The following SARAF variants were observed in gnomAD, a reference collection of about 807,000 sequenced individuals.
The protein encoded by SARAF is store-operated calcium entry associated regulatory factor, also known as store-operated calcium entry-associated regulatory factor.
SARAF carries 23 observed loss-of-function variants against 39.7 expected under a neutral mutation model. The ratio of observed to expected loss-of-function variants is 0.58; its 90% confidence interval spans 0.42 to 0.82. SARAF has a LOEUF of 0.82. Ranked by LOEUF, SARAF falls within the 40% of genes least tolerant of loss-of-function variation. The pLI, the probability that SARAF is intolerant of heterozygous loss-of-function variation, is 0.00. For missense variants in SARAF, 384 were observed against 418.5 expected, an observed-to-expected ratio of 0.92 and a Z score of 0.72; for synonymous variants, 175 against 168.5, an observed-to-expected ratio of 1.04 and a Z score of -0.30.
At chr8:30,080,925 AG>A (rs1361657920) in intron 1 of SARAF, among the ~76,000 whole-genome samples, 2 of 152,198 alleles carry the variant, frequency 1.3e-5, no homozygotes, top group Non-Finnish European at 2.9e-5. Flanking sequence ...GGATCACCTG[AG>A]GTTGGGAGTT....
chr8:30,072,265 G>T (rs1358545108), intron 2 of SARAF, among the ~76,000 whole-genome samples: 1 of 152,150 alleles, frequency 6.6e-6, no homozygotes, highest in African/African-American at 2.4e-5. Flanking sequence ...TGTCTATTCA[G>T]ATGCTCTGCC....
In SARAF at chr8:30,075,981, T is replaced by TAAAAAAAAAAAAAAAAAA. The variant is rs1491525634; in HGVS notation, c.104-1927_104-1926insTTTTTTTTTTTTTTTTTT. ...AACCTGATGTACATAACAGAATCCC[T>TAAAAAAAAAAAAAAAAAA]AAAAAAAAACAAAAAAAAAAAAACA... is the stretch of plus-strand genomic sequence containing the variant. On this transcript the variant is annotated intron_variant, in intron 1 of 5. Coordinates refer to ENST00000256255, the MANE Select transcript of SARAF (RefSeq NM_016127.6). Among the ~76,000 whole-genome samples, 5 of 7,378 alleles carry TAAAAAAAAAAAAAAAAAA rather than the reference T, an allele frequency of 6.8e-4. 2 individuals are homozygous for TAAAAAAAAAAAAAAAAAA. The highest frequency in any genetic ancestry group is 1.2e-3 in the Non-Finnish European group (3 of 2,474). The allele number at this position is 7,378 out of a possible 152,430, so 4.8% of individuals were successfully genotyped here.
chr8:30,070,155 A>ATC (rs2117428509), intron 2 of SARAF, 96 bp from the exon 3 acceptor site: 1 of 1,138,404 alleles, frequency 8.8e-7, no homozygotes, highest in African/African-American at 1.5e-5. Context: ...CACACCTGTA[A>ATC]TCTCAGCACT....
chr8:30,076,676 T>G (rs1313447217), intron 1 of SARAF, among the ~76,000 whole-genome samples: 1 of 152,200 alleles, frequency 6.6e-6, no homozygotes, highest in Non-Finnish European at 1.5e-5. Context: ...CCCTCATGAA[T>G]AGATTAATGC....
intron 1 of SARAF, among the ~76,000 whole-genome samples, chr8:30,079,224 T>C (rs936719955): frequency 2.7e-5 from 4 of 148,072 alleles, no homozygotes; most frequent in African/African-American, 1.0e-4. Flanking sequence ...GACAAGGAAA[T>C]TGTGAAACAA....
rs114191132 is a variant in SARAF, at chr8:30,078,874, C to T, written c.103+3973G>A. On this transcript the variant is annotated intron_variant, in intron 1 of 5. Coordinates refer to ENST00000256255, the MANE Select transcript of SARAF (RefSeq NM_016127.6). ...AAGGTTACTATAAAATTATTATCAT[C>T]AGCCAGGCACGGTGGCTCACGTCTG... 7.3e-3 allele frequency among the ~76,000 whole-genome samples: 1,115 copies of T among 152,074 alleles called. 24 individuals are homozygous for T. The highest frequency in any genetic ancestry group is 0.026 in the African/African-American group (1,071 of 41,492).
intron 3 of SARAF, among the ~76,000 whole-genome samples, chr8:30,068,763 T>A (rs1472681810): frequency 2.0e-5 from 3 of 151,742 alleles, no homozygotes; most frequent in African/African-American, 7.3e-5. Flanking sequence ...GAAATACATT[T>A]TATATATATA....
intron 1 of SARAF, among the ~76,000 whole-genome samples, chr8:30,081,205 T>A (rs1802090833): frequency 6.6e-6 from 1 of 152,164 alleles, no homozygotes; most frequent in Admixed American, 6.5e-5. Flanking sequence ...ATAAAACAAT[T>A]GAGTTTACTC....
intron 4 of SARAF, among the ~76,000 whole-genome samples, chr8:30,066,471 C>T (rs1310408260): frequency 3.9e-5 from 6 of 152,144 alleles, no homozygotes; most frequent in African/African-American, 1.4e-4. Context: ...CCTACCAAAC[C>T]AGACTGTTCC....
chr8:30,077,985 C>G (rs1802006614), intron 1 of SARAF, among the ~76,000 whole-genome samples: 1 of 151,026 alleles, frequency 6.6e-6, no homozygotes, highest in African/African-American at 2.4e-5. Flanking sequence ...ACTAAAAATA[C>G]AAAAATTAGC....
chr8:30,070,748 T>C lies in SARAF; in HGVS notation c.283-689A>G, dbSNP rs113730968. Among the ~76,000 whole-genome samples the C allele has an allele frequency of 2.8e-3, 434 of 152,330 alleles. 1 individual carries two copies. Among genetic ancestry groups the C allele is most frequent in the African/African-American group, 0.01 (421 of 41,568 alleles). ...TTAAAAATCCAGATTTCTTAAAAGA[T>C]GTTAAGGCTCAAAACAGCATCATAT... On this transcript the variant is annotated intron_variant, in intron 2 of 5. Transcript: ENST00000256255.
chr8:30,077,442 G>A (rs933881999), intron 1 of SARAF, among the ~76,000 whole-genome samples: 1 of 151,898 alleles, frequency 6.6e-6, no homozygotes, highest in South Asian at 2.1e-4. Context: ...GTGAGACCCT[G>A]TCACAAAACA....
intron 1 of SARAF, among the ~76,000 whole-genome samples, chr8:30,075,400 T>C (rs1801935680): frequency 6.6e-6 from 1 of 152,190 alleles, no homozygotes; most frequent in Admixed American, 6.5e-5. Context: ...ATGCTGTGGA[T>C]TGGCTCAGTC....
At chr8:30,082,755 A>C (rs13279112) in intron 1 of SARAF, 92 bp downstream of exon 1, 1 of 1,026,802 alleles carries the variant, frequency 9.7e-7, no homozygotes, top group East Asian at 3.1e-5. Context: ...AGGCTCCGGG[A>C]AGACGGCGCA....
At chr8:30,068,326 C>G (rs924773816) in intron 3 of SARAF, among the ~76,000 whole-genome samples, 2 of 152,072 alleles carry the variant, frequency 1.3e-5, no homozygotes, top group African/African-American at 2.4e-5. Flanking sequence ...ACTGCACATG[C>G]GAGGGATCTA....
At chr8:30,074,091 G>A in intron 1 of SARAF, 36 bp from the exon 2 acceptor site, 1 of 1,591,778 alleles carries the variant, frequency 6.3e-7, no homozygotes, top group Non-Finnish European at 8.6e-7. Flanking sequence ...CACAAAGTAA[G>A]TATCGTGTCA....
rs1328889569 is a variant in SARAF, at chr8:30,064,554, TATA to T, written c.995-644_995-642del. Among the ~76,000 whole-genome samples, 51 of 16,542 alleles carry T rather than the reference TATA, an allele frequency of 3.1e-3. 1 individual carries two copies. Among genetic ancestry groups the T allele is most frequent in the African/African-American group, 5.3e-3 (28 of 5,324 alleles). The allele number at this position is 16,542 out of a possible 152,430, so 10.9% of individuals were successfully genotyped here. On this transcript the variant is annotated intron_variant, in intron 5 of 5. Coordinates refer to ENST00000256255, the MANE Select transcript of SARAF (RefSeq NM_016127.6). ...CTAGCCATATATATATATATATATA[TATA>T]TATATTTTTTTTTTTTTTTTTTGAG...
chr8:30,082,663 C>T, intron 1 of SARAF, 184 bp downstream of exon 1: 1 of 510,540 alleles, frequency 2.0e-6, no homozygotes, highest in Non-Finnish European at 3.5e-6. Context: ...CCCTACCCGC[C>T]TCCCAAGACG....
Sources: gnomAD v4.1 joint callset for allele counts (sites outside exome capture counted in the v4.1 genomes callset) on GRCh38, gnomAD v4.1.1 for gene constraint, MANE v1.5 for transcripts, NCBI Gene and HGNC (gene_info 2026-07-23, HGNC 2026-07-21) for gene names.